Variants in SETD3 observed in about 807,000 individuals in gnomAD.
SETD3 encodes the protein SET domain containing 3, actin N3(tau)-histidine methyltransferase.
In SETD3, 19 loss-of-function variants were observed where a neutral mutation model predicts 63.0. That is an observed-to-expected ratio of 0.30 (90% CI 0.21 to 0.44). The LOEUF (loss-of-function observed/expected upper bound fraction) is 0.44, where lower values mean the gene tolerates loss of function less well. Among genes scored for constraint, SETD3 ranks in the 20% least tolerant of loss-of-function variants. The probability of loss-of-function intolerance (pLI) is 1.00; values close to 1 mark genes in which losing one functional copy is unlikely to be tolerated. For synonymous variants in SETD3, 286 were observed against 264.1 expected (o/e 1.08, Z -0.80); for missense variants, 587 against 728.5 (o/e 0.81, Z 2.24).
At chr14:99,484,243 G>A (rs563027980), upstream of SETD3, among the ~76,000 whole-genome samples, 3 of 152,320 alleles carry the variant, frequency 2.0e-5, no homozygotes, top group Admixed American at 6.5e-5. Context: ...AGGTTGTTTC[G>A]TGTCTCTGGC....
intron 8 of SETD3, among the ~76,000 whole-genome samples, chr14:99,411,078 C>T (rs1348001811): frequency 2.0e-5 from 3 of 152,210 alleles, no homozygotes; most frequent in African/African-American, 7.2e-5. Flanking sequence ...AAATTCTACT[C>T]CAGTAAATTT....
chr14:99,399,203 G>T, intron 12 of SETD3, 78 bp from the exon 13 acceptor site: 2 of 1,344,760 alleles, frequency 1.5e-6, no homozygotes, highest in South Asian at 1.3e-5. Context: ...AACGGCTGGG[G>T]ATGGGGACAT....
intron 12 of SETD3, 145 bp downstream of exon 12, chr14:99,399,954 C>T (rs1227606289): frequency 1.6e-6 from 1 of 612,332 alleles, no homozygotes; most frequent in African/African-American, 1.9e-5. Context: ...GTTGGCCAGG[C>T]TGGTCTTGAA....
intron 6 of SETD3, among the ~76,000 whole-genome samples, chr14:99,414,899 C>T (rs934711994): frequency 6.6e-6 from 1 of 152,208 alleles, no homozygotes; most frequent in African/African-American, 2.4e-5. Context: ...ATGTAGCCTG[C>T]AGTTTTCACT....
At chr14:99,405,456 C>T in intron 9 of SETD3, 85 bp from the exon 10 acceptor site, 2 of 1,392,844 alleles carry the variant, frequency 1.4e-6, no homozygotes, top group Non-Finnish European at 9.7e-7. Context: ...AGGCTTAGTG[C>T]TACTTTACAT....
chr14:99,444,827 T>C (rs1894039603), intron 6 of SETD3, among the ~76,000 whole-genome samples: 1 of 150,388 alleles, frequency 6.6e-6, no homozygotes, highest in Non-Finnish European at 1.5e-5. Context: ...AGTACTAGAC[T>C]TTGTCTCAAA....
In SETD3 at chr14:99,444,261, T is replaced by C. The variant is rs183847822; in HGVS notation, c.675+14018A>G. The C allele has an allele frequency of 6.6e-5, 10 of 152,324 alleles. No homozygotes were observed. In the East Asian group the frequency reaches 1.5e-3, roughly 24 times the overall value. 9.4% of individuals were successfully genotyped at this position (152,324 alleles called of 1,614,324 possible). On this transcript the variant is annotated intron_variant, in intron 6 of 12. Transcript: ENST00000331768. ...CTATTAGATTACAAGGGCACTTTTA[T>C]TGGATAATCTGCCCAGCACAAACTT...
chr14:99,412,892 C>A, intron 8 of SETD3, 59 bp downstream of exon 8: 1 of 1,238,710 alleles, frequency 8.1e-7, no homozygotes, highest in Non-Finnish European at 1.2e-6. Flanking sequence ...AGCCCCCTCC[C>A]AAAGCTTAGC....
intron 6 of SETD3, among the ~76,000 whole-genome samples, chr14:99,432,380 CA>C (rs1205744022): frequency 6.6e-6 from 1 of 152,098 alleles, no homozygotes; most frequent in Non-Finnish European, 1.5e-5. Context: ...GCAACAATGA[CA>C]AAAATGCTAA....
intron 2 of SETD3, 70 bp from the exon 3 acceptor site, chr14:99,463,648 A>C (rs757740266): frequency 7.8e-7 from 1 of 1,280,378 alleles, no homozygotes; most frequent in Non-Finnish European, 1.1e-6. Context: ...TGCACAAGAA[A>C]GAGGATTTGG....
intron 8 of SETD3, among the ~76,000 whole-genome samples, chr14:99,410,886 ACTCC>A (rs1891947928): frequency 1.3e-5 from 2 of 152,130 alleles, no homozygotes; most frequent in Non-Finnish European, 2.9e-5. Context: ...AATTCTACCT[ACTCC>A]CTGAGTGATA....
rs764398167 is a variant in SETD3, at chr14:99,458,263, G to A, written c.675+16C>T. ...ACTCTGTGAAATATATACTTAAATT[G>A]CAAACAGCTGCTCACCTGGATGACT... On this transcript the variant is annotated intron_variant, in intron 6 of 12. Transcript: ENST00000331768. 50 of 1,602,966 alleles carry A rather than the reference G, an allele frequency of 3.1e-5. No homozygotes were observed. Among genetic ancestry groups the A allele is most frequent in the Admixed American group, 2.2e-4 (13 of 59,120 alleles).
rs1193089147 is a variant in SETD3, at chr14:99,398,919, C to T, written c.1545G>A (p.Gly515=). 5.6e-6 allele frequency: 9 copies of T among 1,613,922 alleles called. No individual in the cohort carries two copies. Among genetic ancestry groups the T allele is most frequent in the Admixed American group, 1.7e-5 (1 of 60,008 alleles). The change falls in exon 13 of 13, where the codon GGG becomes GGA. Residue 515 remains glycine, a synonymous_variant. Coordinates refer to ENST00000331768, the MANE Select transcript of SETD3 (RefSeq NM_032233.3). ...SNLGLLESSV[G]DSRLPLVLRN... ...TCAAGACCAGGGGGAGCCTCGAGTC[C>T]CCCACGCTGCTCTCCAACAGCCCAA... is the stretch of plus-strand genomic sequence containing the variant.
At chr14:99,433,788 GAC>G (rs1401729591) in intron 6 of SETD3, among the ~76,000 whole-genome samples, 5 of 152,276 alleles carry the variant, frequency 3.3e-5, no homozygotes, top group African/African-American at 1.2e-4. Context: ...CCCAAAAGAG[GAC>G]ATCTAAGTAG....
At chr14:99,417,703 G>T (rs1461600580) in intron 6 of SETD3, among the ~76,000 whole-genome samples, 1 of 152,328 alleles carries the variant, frequency 6.6e-6, no homozygotes, top group South Asian at 2.1e-4. Context: ...TCTAGTACGT[G>T]AAACAGCTTT....
At chr14:99,481,996 T>TA (rs768452036), upstream of SETD3, among the ~76,000 whole-genome samples, 4 of 152,214 alleles carry the variant, frequency 2.6e-5, no homozygotes, top group Admixed American at 6.5e-5. Context: ...GATTTCGTTC[T>TA]TGCCCAGACA....
chr14:99,419,699 C>A (rs373512830), intron 6 of SETD3, among the ~76,000 whole-genome samples: 42 of 149,436 alleles, frequency 2.8e-4, no homozygotes, highest in Admixed American at 2.4e-3. Context: ...GGCGTGAACC[C>A]GGGAGGCGGA....
At chr14:99,446,870 C>T (rs147559595) in intron 6 of SETD3, among the ~76,000 whole-genome samples, 1 of 151,990 alleles carries the variant, frequency 6.6e-6, no homozygotes, top group Admixed American at 6.6e-5. Flanking sequence ...GGGGGACACA[C>T]CAGTGTACAC....
At chr14:99,457,448 C>T (rs144450802) in intron 6 of SETD3, among the ~76,000 whole-genome samples, 3 of 152,336 alleles carry the variant, frequency 2.0e-5, no homozygotes, top group Non-Finnish European at 4.4e-5. Flanking sequence ...GTTACCACTT[C>T]TTGCAAATAA....
Sources: gnomAD v4.1 joint callset for allele counts (sites outside exome capture counted in the v4.1 genomes callset) on GRCh38, gnomAD v4.1.1 for gene constraint, MANE v1.5 for transcripts, NCBI Gene and HGNC (gene_info 2026-07-23, HGNC 2026-07-21) for gene names.